WDR72: variants seen among roughly 807,000 people sequenced by gnomAD.
WDR72 encodes WD repeat-containing protein 72.
Under a neutral mutation model 124.2 loss-of-function variants are expected in WDR72, and 120 were observed. That is an observed-to-expected ratio of 0.97 (90% confidence interval 0.83 to 1.12). The LOEUF (loss-of-function observed/expected upper bound fraction) is 1.12. Among genes scored for constraint, WDR72 ranks in the 50% most tolerant of loss-of-function variants. The probability of loss-of-function intolerance (pLI) is 0.00; values close to 1 mark genes in which losing one functional copy is unlikely to be tolerated. For synonymous variants in WDR72, 452 were observed against 441.7 expected (o/e 1.02, Z -0.29); for missense variants, 1,387 against 1,278.8 (o/e 1.08, Z -1.29).
At chr15:53,628,572 G>A (rs980815412) in intron 14 of WDR72, among the ~76,000 whole-genome samples, 2 of 152,074 alleles carry the variant, frequency 1.3e-5, no homozygotes, top group African/African-American at 4.8e-5. Flanking sequence ...TAACTTATAA[G>A]AAGTTAACTT....
At chr15:53,678,212 C>T (rs918736822) in intron 13 of WDR72, among the ~76,000 whole-genome samples, 2 of 152,142 alleles carry the variant, frequency 1.3e-5, no homozygotes, top group Non-Finnish European at 2.9e-5. Flanking sequence ...TCCATCTGCC[C>T]TTAAAACATT....
At chr15:53,547,124 A>G (rs552809829) in intron 18 of WDR72, among the ~76,000 whole-genome samples, 1 of 152,376 alleles carries the variant, frequency 6.6e-6, no homozygotes, top group South Asian at 2.1e-4. Context: ...TCCCATCAAA[A>G]TAAGGAAAAC....
At chr15:53,524,176 G>T (rs1891976137) in intron 18 of WDR72, among the ~76,000 whole-genome samples, 1 of 152,006 alleles carries the variant, frequency 6.6e-6, no homozygotes, top group Non-Finnish European at 1.5e-5. Flanking sequence ...AGCAAAACAA[G>T]CCTGCAATAG....
At chr15:53,655,192 C>G (rs1312163249) in intron 14 of WDR72, among the ~76,000 whole-genome samples, 1 of 135,382 alleles carries the variant, frequency 7.4e-6, no homozygotes, top group East Asian at 2.3e-4. Flanking sequence ...GATCGCACCA[C>G]TTCACTCCAG....
chr15:53,729,565 A>T (rs1432769216), intron 2 of WDR72, among the ~76,000 whole-genome samples: 17 of 151,898 alleles, frequency 1.1e-4, no homozygotes, highest in Admixed American at 8.5e-4. Context: ...TTTCCAGATG[A>T]GCCTGTCACC....
intron 1 of WDR72, among the ~76,000 whole-genome samples, chr15:53,759,076 C>T (rs1251581433): frequency 6.6e-6 from 1 of 152,106 alleles, no homozygotes; most frequent in African/African-American, 2.4e-5. Context: ...AGGAAAGTTT[C>T]GCCAGCCCCC....
chr15:53,640,370 C>G (rs1192068888), intron 14 of WDR72, among the ~76,000 whole-genome samples: 2 of 152,138 alleles, frequency 1.3e-5, no homozygotes, highest in African/African-American at 2.4e-5. Context: ...TCCTGATATG[C>G]TTGGATGCCA....
At chr15:53,518,016 CATT>C (rs1468132184) in intron 19 of WDR72, among the ~76,000 whole-genome samples, 1 of 151,608 alleles carries the variant, frequency 6.6e-6, no homozygotes, top group Non-Finnish European at 1.5e-5. Context: ...TAATTGCACA[CATT>C]ATTAATAGCT....
At chr15:53,639,317 C>T (rs933416188) in intron 14 of WDR72, among the ~76,000 whole-genome samples, 46 of 152,026 alleles carry the variant, frequency 3.0e-4, no homozygotes, top group African/African-American at 9.4e-4. Flanking sequence ...GCAGAGCTTG[C>T]AGCCTAATTC....
chr15:53,589,655 A>C (rs2012398558), intron 18 of WDR72, among the ~76,000 whole-genome samples: 1 of 152,078 alleles, frequency 6.6e-6, no homozygotes. Context: ...AGACAATCAT[A>C]GATAAAGTGG....
intron 18 of WDR72, among the ~76,000 whole-genome samples, chr15:53,583,816 G>A (rs190661322): frequency 3.9e-5 from 6 of 152,130 alleles, no homozygotes; most frequent in Admixed American, 2.0e-4. Context: ...GTGATGTAAT[G>A]ACTCTAGAAT....
At chr15:53,633,648 T>C (rs1475733647) in intron 14 of WDR72, among the ~76,000 whole-genome samples, 1 of 152,192 alleles carries the variant, frequency 6.6e-6, no homozygotes, top group Non-Finnish European at 1.5e-5. Context: ...TAAAGATAAA[T>C]TGACAAAATT....
chr15:53,591,755 G>T (rs1343321978), intron 18 of WDR72, among the ~76,000 whole-genome samples: 1 of 150,900 alleles, frequency 6.6e-6, no homozygotes, highest in African/African-American at 2.4e-5. Context: ...TGTAGCATAA[G>T]TTAAGTTTGG....
intron 13 of WDR72, among the ~76,000 whole-genome samples, chr15:53,666,049 C>A (rs2015769356): frequency 6.6e-6 from 1 of 152,166 alleles, no homozygotes; most frequent in Non-Finnish European, 1.5e-5. Context: ...AAATCTCTTA[C>A]TTATTATACA....
intron 14 of WDR72, among the ~76,000 whole-genome samples, chr15:53,634,009 A>T (rs2014529981): frequency 6.6e-6 from 1 of 152,226 alleles, no homozygotes; most frequent in Non-Finnish European, 1.5e-5. Flanking sequence ...TAAAATCTTC[A>T]TTCTTATCCA....
At chr15:53,594,665 G>A (rs56870367) in intron 18 of WDR72, among the ~76,000 whole-genome samples, 1 of 150,510 alleles carries the variant, frequency 6.6e-6, no homozygotes, top group Admixed American at 6.6e-5. Context: ...GGTGGTGCTT[G>A]CCTATAGTCC....
At chr15:53,674,640 A>G (rs2016102634) in intron 13 of WDR72, among the ~76,000 whole-genome samples, 1 of 152,218 alleles carries the variant, frequency 6.6e-6, no homozygotes, top group South Asian at 2.1e-4. Flanking sequence ...TAGTTGATAT[A>G]ATAAATTCAG....
At chr15:53,687,218 G>T (rs1444891032) in intron 13 of WDR72, among the ~76,000 whole-genome samples, 5 of 147,788 alleles carry the variant, frequency 3.4e-5, no homozygotes, top group African/African-American at 7.6e-5. Context: ...AATCAGAGCA[G>T]AACTGAAGGA....
chr15:53,649,323 T>C (rs1350621556), intron 14 of WDR72, among the ~76,000 whole-genome samples: 2 of 152,156 alleles, frequency 1.3e-5, no homozygotes, highest in Non-Finnish European at 2.9e-5. Flanking sequence ...ACTGATCCTT[T>C]AGAGAAAAAC....
Sources: gnomAD v4.1 joint callset for allele counts (sites outside exome capture counted in the v4.1 genomes callset) on GRCh38, gnomAD v4.1.1 for gene constraint, MANE v1.5 for transcripts, NCBI Gene and HGNC (gene_info 2026-07-23, HGNC 2026-07-21) for gene names.